The following TTLL9 variants were observed in gnomAD, a reference collection of about 807,000 sequenced individuals.
TTLL9 encodes the protein tubulin tyrosine ligase like 9.
In TTLL9, 47 loss-of-function variants were observed where a neutral mutation model predicts 65.6. The ratio of observed to expected loss-of-function variants is 0.72; its 90% CI spans 0.57 to 0.91. TTLL9 has a LOEUF of 0.91. Among genes scored for constraint, TTLL9 ranks in the 40% least tolerant of loss-of-function variants. The pLI is 0.00. For synonymous variants in TTLL9, 179 were observed against 204.8 expected, an observed-to-expected ratio of 0.87 and a Z score of 1.07; for missense variants, 537 against 568.8, an observed-to-expected ratio of 0.94 and a Z score of 0.57.
In TTLL9 at chr20:31,928,650, A is replaced by C. The variant is rs147654478; in HGVS notation, c.748+2559A>C. Reference sequence around the variant, plus strand: ...TGATCCCTTAAATCTCCCTTGAGGGATGGTGAAATGAATGATAAAGCATCT... The same window carrying C: ...TGATCCCTTAAATCTCCCTTGAGGGCTGGTGAAATGAATGATAAAGCATCT... On this transcript the variant is annotated intron_variant, in intron 10 of 14. Transcript: ENST00000535842. Among the ~76,000 whole-genome samples, 72 of 152,236 alleles carry C rather than the reference A, an allele frequency of 4.7e-4. 1 individual carries two copies. The East Asian group carries it at 0.013, about 28-fold the overall frequency.
At chr20:31,930,524 G>A (rs918065572) in intron 10 of TTLL9, among the ~76,000 whole-genome samples, 1 of 152,046 alleles carries the variant, frequency 6.6e-6, no homozygotes, top group African/African-American at 2.4e-5. Flanking sequence ...CCTTTACTTA[G>A]TAAATAAACA....
At chr20:31,892,036 C>G (rs1343387948) in intron 3 of TTLL9, among the ~76,000 whole-genome samples, 1 of 152,056 alleles carries the variant, frequency 6.6e-6, no homozygotes, top group Admixed American at 6.6e-5. Context: ...CTCCTGACCT[C>G]AGGTGATCCA....
At chr20:31,879,859 AT>A in intron 2 of TTLL9, 2 of 1,550,178 alleles carry the variant, frequency 1.3e-6, no homozygotes, top group Non-Finnish European at 1.7e-6. Context: ...GGCGGTTTGG[AT>A]CTGGCCCCTG....
At chr20:31,878,125 T>C (rs920789779) in intron 2 of TTLL9, among the ~76,000 whole-genome samples, 8 of 152,256 alleles carry the variant, frequency 5.3e-5, no homozygotes, top group Non-Finnish European at 1.5e-5. Context: ...TGTTGCTATA[T>C]ATTTTTATTG....
In TTLL9 at chr20:31,943,071, C is replaced by G. The variant is rs766982209; in HGVS notation, c.*50C>G. On this transcript the variant is annotated 3_prime_UTR_variant, in exon 15 of 15. Coordinates refer to ENST00000535842, the MANE Select transcript of TTLL9 (RefSeq NM_001008409.5). Reference sequence around the variant, plus strand: ...GCCTTAGCAGGTGCCACCCAGGCCTCCCCCCCACTCCCAGATCCCAGCACA... The same window carrying G: ...GCCTTAGCAGGTGCCACCCAGGCCTGCCCCCCACTCCCAGATCCCAGCACA... 6.7e-7 allele frequency: 1 copy of G among 1,500,782 alleles called. No homozygotes were observed. The highest frequency in any genetic ancestry group is 1.7e-5 in the Admixed American group (1 of 59,688). The allele number at this position is 1,500,782 out of a possible 1,614,324, so 93.0% of individuals were successfully genotyped here. A position where few individuals can be genotyped will look rare whatever the true frequency, so the allele number is the denominator to read the frequency against.
chr20:31,883,936 T>C, intron 2 of TTLL9: 1 of 424,172 alleles, frequency 2.4e-6, no homozygotes, highest in Non-Finnish European at 4.3e-6. Context: ...ACCAGAGTTT[T>C]CACCAGTGCA....
chr20:31,897,371 G>C (rs916080403), intron 3 of TTLL9, among the ~76,000 whole-genome samples: 1 of 152,188 alleles, frequency 6.6e-6, no homozygotes, highest in Non-Finnish European at 1.5e-5. Context: ...CATAGCGGTA[G>C]CCTCTGTTTC....
intron 3 of TTLL9, among the ~76,000 whole-genome samples, chr20:31,897,850 CTCTG>C (rs1333016721): frequency 6.6e-6 from 1 of 152,198 alleles, no homozygotes; most frequent in African/African-American, 2.4e-5. Context: ...TGCCCAAGTC[CTCTG>C]TCTGGCTAGG....
At position 31,942,960 on chromosome 20, in the gene TTLL9, G is replaced by A. The variant is rs186067627; in HGVS notation, c.1259G>A (p.Arg420Gln). ...TCCTTTCCAGGCTGCGTCAACGATC[G>A]GAAGAAACAACTGAGGCAGCTCTTC... ...TNTHLGCVNDRKKQLRQLFCS... is the reference protein window; with the variant it reads ...TNTHLGCVNDQKKQLRQLFCS... The change falls in exon 15 of 15, where the codon CGG becomes CAG. Residue 420 changes from arginine (R) to glutamine (Q), a missense_variant. Physicochemically the swap from Arg to Gln is conservative, Grantham distance 43. This residue lies in a region of TTLL9 where 205 missense variants were observed against 225.9 expected (regional missense o/e 0.91). Coordinates refer to ENST00000535842, the MANE Select transcript of TTLL9 (RefSeq NM_001008409.5). The A allele has an allele frequency of 4.0e-4, 645 of 1,614,070 alleles. 1 individual carries two copies. In the East Asian group the frequency reaches 0.012, roughly 31 times the overall value.
chr20:31,886,601 C>G (rs1313044447), intron 2 of TTLL9, among the ~76,000 whole-genome samples: 1 of 152,104 alleles, frequency 6.6e-6, no homozygotes, highest in Non-Finnish European at 1.5e-5. Context: ...GGGTGGATCA[C>G]CTGAGGTCAG....
chr20:31,929,050 T>C (rs2063959847), intron 10 of TTLL9, among the ~76,000 whole-genome samples: 1 of 152,220 alleles, frequency 6.6e-6, no homozygotes, highest in Non-Finnish European at 1.5e-5. Context: ...TAACTTGTTT[T>C]TTGTAGCAAT....
At chr20:31,889,254 T>C (rs896803613) in intron 3 of TTLL9, among the ~76,000 whole-genome samples, 2 of 152,016 alleles carry the variant, frequency 1.3e-5, no homozygotes, top group Non-Finnish European at 2.9e-5. Flanking sequence ...AGAGCCAGCA[T>C]CTTCATGATT....
At chr20:31,887,122 C>T (rs1363408833) in intron 2 of TTLL9, 74 bp from the exon 3 acceptor site, 8 of 1,483,992 alleles carry the variant, frequency 5.4e-6, no homozygotes, top group South Asian at 1.1e-5. Flanking sequence ...ATTTTAATAT[C>T]TGCAGTAAGT....
At chr20:31,876,681 A>T (rs1411749498) in intron 2 of TTLL9, among the ~76,000 whole-genome samples, 1 of 152,224 alleles carries the variant, frequency 6.6e-6, no homozygotes, top group African/African-American at 2.4e-5. Flanking sequence ...ATCGTCTAGT[A>T]GTGGAATATC....
chr20:31,873,077 C>T, intron 2 of TTLL9: 1 of 509,580 alleles, frequency 2.0e-6, no homozygotes, highest in South Asian at 1.4e-5. Context: ...AGAGTGGGAC[C>T]CGAGAAGCTG....
chr20:31,920,203 T>C (rs989303501), intron 7 of TTLL9, among the ~76,000 whole-genome samples: 1 of 151,234 alleles, frequency 6.6e-6, no homozygotes, highest in Non-Finnish European at 1.5e-5. Flanking sequence ...CTGCTAAGGA[T>C]GCAGTGAGCT....
At chr20:31,907,287 G>A (rs937993495) in intron 4 of TTLL9, among the ~76,000 whole-genome samples, 2 of 152,206 alleles carry the variant, frequency 1.3e-5, no homozygotes, top group Admixed American at 6.5e-5. Context: ...CTGAGGATCC[G>A]TGAATGAATA....
chr20:31,934,579 G>T (rs1022252806), intron 11 of TTLL9, 113 bp from the exon 12 acceptor site: 6 of 992,450 alleles, frequency 6.0e-6, no homozygotes, highest in Non-Finnish European at 8.8e-6. Flanking sequence ...TCAGGGCTGG[G>T]CCCCTCTTGC....
chr20:31,892,704 A>G (rs1329078834), intron 3 of TTLL9, among the ~76,000 whole-genome samples: 1 of 152,192 alleles, frequency 6.6e-6, no homozygotes, highest in African/African-American at 2.4e-5. Context: ...ACCCTTGAAA[A>G]AGAGTTGGGG....
Sources: allele counts gnomAD v4.1 joint callset (sites outside exome capture counted in the v4.1 genomes callset), GRCh38; gene constraint gnomAD v4.1.1; regional missense constraint gnomAD v4.1.1; transcripts MANE v1.5; gene names NCBI Gene and HGNC (gene_info 2026-07-23, HGNC 2026-07-21).